PPP1R17: variants seen among roughly 807,000 people sequenced by gnomAD.
PPP1R17 encodes the protein protein phosphatase 1 regulatory subunit 17, also known as G-substrate.
PPP1R17 carries 12 observed loss-of-function variants against 15.9 expected under a neutral mutation model. The ratio of observed to expected loss-of-function variants is 0.75; its 90% CI spans 0.48 to 1.22. The LOEUF is 1.22. Ranked by LOEUF, PPP1R17 falls within the 50% of genes most tolerant of loss-of-function variation. The pLI is 0.00. For synonymous variants in PPP1R17, 63 were observed against 64.5 expected, an observed-to-expected ratio of 0.98 and a Z score of 0.11; for missense variants, 211 against 187.3, an observed-to-expected ratio of 1.13 and a Z score of -0.74.
chr7:31,702,499 G>T (rs932827931), intron 4 of PPP1R17, among the ~76,000 whole-genome samples: 2 of 152,152 alleles, frequency 1.3e-5, no homozygotes, highest in Non-Finnish European at 2.9e-5. Context: ...TTACCTTTCA[G>T]TAGTCAGCCA....
At position 31,707,253 on chromosome 7, in the gene PPP1R17, C is replaced by CGA; in HGVS notation, c.439_440dup (p.Asp149ArgfsTer6). Reference sequence around the variant, plus strand: ...GACCCAAAGCAATCGTGGAAGATGACGAAAAGGATGGTGACAAGATAGCTA... The same window carrying CGA: ...GACCCAAAGCAATCGTGGAAGATGACGAGAAAAGGATGGTGACAAGATAGCTA... On this transcript the variant is annotated frameshift_variant, in exon 5 of 5. Transcript: ENST00000342032. LOFTEE classifies it high-confidence loss of function. The CGA allele has an allele frequency of 6.2e-7, 1 of 1,613,886 alleles. No homozygotes were observed. Among genetic ancestry groups the CGA allele is most frequent in the Admixed American group, 1.7e-5 (1 of 59,978 alleles).
rs142312603 is a variant in PPP1R17 at position 31,700,156 on chromosome 7, G to A, written c.388+3039G>A. Among the ~76,000 whole-genome samples the A allele has an allele frequency of 1.7e-3, 264 of 152,306 alleles. 1 individual carries two copies. The highest frequency in any genetic ancestry group is 6.1e-3 in the African/African-American group (253 of 41,550). ...AAAGCCAAGATAGGCTGAAAATTAGGTCTCTTGTACCAACGAGTTAGCCAA... is the reference window on the plus strand; with the variant it reads ...AAAGCCAAGATAGGCTGAAAATTAGATCTCTTGTACCAACGAGTTAGCCAA... On this transcript the variant is annotated intron_variant, in intron 4 of 4. Transcript: ENST00000342032.
intron 1 of PPP1R17, among the ~76,000 whole-genome samples, chr7:31,688,924 T>C (rs1792220265): frequency 1.3e-5 from 2 of 152,228 alleles, no homozygotes; most frequent in South Asian, 2.1e-4. Context: ...AAAAGGTTTG[T>C]TGTTAAGTTC....
chr7:31,703,658 A>G (rs1792946066), intron 4 of PPP1R17, among the ~76,000 whole-genome samples: 1 of 152,240 alleles, frequency 6.6e-6, no homozygotes, highest in Admixed American at 6.5e-5. Context: ...ATAAGGATAG[A>G]GCCTTCGGCA....
intron 1 of PPP1R17, among the ~76,000 whole-genome samples, chr7:31,690,336 T>C (rs1792287777): frequency 6.6e-6 from 1 of 152,194 alleles, no homozygotes; most frequent in South Asian, 2.1e-4. Flanking sequence ...TCACAGTTAC[T>C]CCACCCAGTA....
intron 3 of PPP1R17, 28 bp downstream of exon 3, chr7:31,695,649 G>C (rs34173): frequency 0.69 from 1,097,229 of 1,594,188 alleles, 381,612 homozygotes; most frequent in African/African-American, 0.94. Flanking sequence ...CTGCACAGCT[G>C]TAAAGGAGAG....
Position 31,707,217 on chromosome 7 carries a change from C to T in PPP1R17, c.402C>T (p.Leu134=). 6.2e-7 allele frequency: 1 copy of T among 1,613,804 alleles called. No homozygotes were observed. Among genetic ancestry groups the T allele is most frequent in the Non-Finnish European group, 8.5e-7 (1 of 1,179,796 alleles). ...MSPFAAGVTL[L]RDERPKAIVE... ...TTTGTTTTGCAGGTGTGACATTGCTCAGGGACGAGAGACCCAAAGCAATCG... is the reference window on the plus strand; with the variant it reads ...TTTGTTTTGCAGGTGTGACATTGCTTAGGGACGAGAGACCCAAAGCAATCG... The change falls in exon 5 of 5, where the codon CTC becomes CTT. Residue 134 remains leucine, a synonymous_variant. Coordinates refer to ENST00000342032, the MANE Select transcript of PPP1R17 (RefSeq NM_006658.5).
intron 4 of PPP1R17, among the ~76,000 whole-genome samples, chr7:31,704,128 G>A (rs1000253925): frequency 3.3e-5 from 5 of 152,242 alleles, no homozygotes; most frequent in African/African-American, 9.6e-5. Flanking sequence ...TCCATGAGCT[G>A]TGGACATTTG....
In PPP1R17 at chr7:31,707,476, T is replaced by G. The variant is rs1187000245; in HGVS notation, c.*193T>G. 1.8e-6 allele frequency: 1 copy of G among 556,966 alleles called. No individual in the cohort carries two copies. Among genetic ancestry groups the G allele is most frequent in the African/African-American group, 1.9e-5 (1 of 52,454 alleles). The allele number at this position is 556,966 out of a possible 1,614,324, so 34.5% of individuals were successfully genotyped here. ...GTCTCTCTCTTCTTTCTGAGTATGG[T>G]TTCTATTCTGTGTTTTGAATTTTTA... On this transcript the variant is annotated 3_prime_UTR_variant, in exon 5 of 5. Transcript: ENST00000342032.
At chr7:31,703,924 T>G (rs929636221) in intron 4 of PPP1R17, among the ~76,000 whole-genome samples, 4 of 152,226 alleles carry the variant, frequency 2.6e-5, no homozygotes, top group African/African-American at 9.6e-5. Context: ...TGCTCCCAGC[T>G]TAGCCTACAG....
At chr7:31,703,699 T>C (rs900785550) in intron 4 of PPP1R17, among the ~76,000 whole-genome samples, 1 of 152,234 alleles carries the variant, frequency 6.6e-6, no homozygotes, top group Non-Finnish European at 1.5e-5. Flanking sequence ...TTGGTTCTAA[T>C]AAGGGTGTTG....
chr7:31,688,387 C>T (rs1311997669), intron 1 of PPP1R17, among the ~76,000 whole-genome samples: 7 of 152,184 alleles, frequency 4.6e-5, no homozygotes, highest in East Asian at 1.9e-4. Context: ...TAATTTAAAC[C>T]GCATATTCTC....
At chr7:31,696,873 C>T (rs1792606002) in intron 3 of PPP1R17, 92 bp from the exon 4 acceptor site, 2 of 1,400,392 alleles carry the variant, frequency 1.4e-6, no homozygotes, top group Admixed American at 4.4e-5. Context: ...TATTGACTGT[C>T]TTCACCAGAT....
At position 31,705,641 on chromosome 7, in the gene PPP1R17, T is replaced by C. The variant is rs1372666885; in HGVS notation, c.389-1563T>C. Among the ~76,000 whole-genome samples, 3 of 152,238 alleles carry C rather than the reference T, an allele frequency of 2.0e-5. No individual in the cohort carries two copies. The East Asian group carries it at 5.8e-4, about 29-fold the overall frequency. On this transcript the variant is annotated intron_variant, in intron 4 of 4. Transcript: ENST00000342032. ...GATCAACACATAGTTTTCATTAATT[T>C]ACTGCTGTTGAATGGAGTCCAGTGT...
chr7:31,705,796 G>A (rs1017707404), intron 4 of PPP1R17, among the ~76,000 whole-genome samples: 1 of 151,898 alleles, frequency 6.6e-6, no homozygotes, highest in African/African-American at 2.4e-5. Context: ...TGGGGAAGCT[G>A]GCTGGAGTGG....
intron 2 of PPP1R17, among the ~76,000 whole-genome samples, chr7:31,694,336 TATC>T (rs1362683881): frequency 4.0e-5 from 6 of 151,628 alleles, no homozygotes; most frequent in Admixed American, 2.0e-4. Flanking sequence ...ATATCAACTG[TATC>T]AGATGCTTTG....
intron 1 of PPP1R17, among the ~76,000 whole-genome samples, chr7:31,691,385 G>A (rs1792334822): frequency 6.6e-6 from 1 of 152,144 alleles, no homozygotes; most frequent in African/African-American, 2.4e-5. Context: ...AGAATTGGTT[G>A]GGCGATTTTA....
intron 1 of PPP1R17, among the ~76,000 whole-genome samples, chr7:31,691,593 T>G (rs74807323): frequency 0.02 from 3,004 of 151,928 alleles, 112 homozygotes; most frequent in African/African-American, 0.068. Flanking sequence ...CTATAACTAA[T>G]AGCTCTGGAA....
chr7:31,707,599 G>A lies in PPP1R17; in HGVS notation c.*316G>A, dbSNP rs531795047. ...TTCTGCATCTTCTGGATCAATTCACGGAACAGAGATCGTGGATTACATGGG... is the reference window on the plus strand; with the variant it reads ...TTCTGCATCTTCTGGATCAATTCACAGAACAGAGATCGTGGATTACATGGG... On this transcript the variant is annotated 3_prime_UTR_variant, in exon 5 of 5. Transcript: ENST00000342032. 23 of 275,814 alleles carry A rather than the reference G, an allele frequency of 8.3e-5. No homozygotes were observed. Among genetic ancestry groups the A allele is most frequent in the Middle Eastern group, 1.1e-3 (1 of 902 alleles). The allele number at this position is 275,814 out of a possible 1,614,324, so 17.1% of individuals were successfully genotyped here. A position where few individuals can be genotyped will look rare whatever the true frequency, so the allele number is the denominator to read the frequency against.
Sources: gnomAD v4.1 joint callset for allele counts (sites outside exome capture counted in the v4.1 genomes callset) on GRCh38, gnomAD v4.1.1 for gene constraint, MANE v1.5 for transcripts, NCBI Gene and HGNC (gene_info 2026-07-23, HGNC 2026-07-21) for gene names.